UNKL: variants seen among roughly 807,000 people sequenced by gnomAD.
UNKL encodes unk like zinc finger.
In UNKL, 60 loss-of-function variants were observed where a neutral mutation model predicts 78.0. That is an observed-to-expected ratio of 0.77 (90% CI 0.63 to 0.95). UNKL has a LOEUF of 0.95. UNKL is among the 40% of genes least tolerant of loss of function. The pLI is 0.00. For missense variants in UNKL, 1,159 were observed against 1,045.7 expected, an observed-to-expected ratio of 1.11 and a Z score of -1.49; for synonymous variants, 608 against 474.8, an observed-to-expected ratio of 1.28 and a Z score of -3.65.
In UNKL at chr16:1,366,059, CAGGAAAGG is replaced by C; in HGVS notation, c.*173_*180del. The C allele has an allele frequency of 1.6e-6, 1 of 640,056 alleles. No individual in the cohort carries two copies. The highest frequency in any genetic ancestry group is 3.0e-5 in the South Asian group (1 of 33,058). 39.6% of individuals were successfully genotyped at this position (640,056 alleles called of 1,614,324 possible). On this transcript the variant is annotated 3_prime_UTR_variant, in exon 15 of 15. Transcript: ENST00000389221. ...GGACTAGATAGGTGACAACGTGTGA[CAGGAAAGG>C]CTGTCAGGCCAAGCGCAGGCGGGGC...
chr16:1,410,405 C>T (rs1465398171), intron 2 of UNKL, among the ~76,000 whole-genome samples: 1 of 152,096 alleles, frequency 6.6e-6, no homozygotes, highest in Non-Finnish European at 1.5e-5. Context: ...GTCAGGAGTT[C>T]GAGACCAGCC....
At chr16:1,374,770 G>T (rs1445059585) in intron 10 of UNKL, among the ~76,000 whole-genome samples, 1 of 152,222 alleles carries the variant, frequency 6.6e-6, no homozygotes, top group Non-Finnish European at 1.5e-5. Flanking sequence ...TCACCACACA[G>T]GGGGCATCCC....
intron 10 of UNKL, among the ~76,000 whole-genome samples, chr16:1,371,929 G>C (rs2035874648): frequency 6.6e-6 from 1 of 152,152 alleles, no homozygotes; most frequent in Non-Finnish European, 1.5e-5. Flanking sequence ...GTGTGTGTTA[G>C]CATCTGTCCA....
chr16:1,392,414 T>C (rs758909718), intron 8 of UNKL, among the ~76,000 whole-genome samples: 8 of 151,868 alleles, frequency 5.3e-5, no homozygotes, highest in Admixed American at 2.0e-4. Flanking sequence ...CTTACCTTCC[T>C]AGAAGCCCAA....
chr16:1,377,944 A>G (rs991136649), intron 10 of UNKL, among the ~76,000 whole-genome samples: 1 of 152,146 alleles, frequency 6.6e-6, no homozygotes, highest in Non-Finnish European at 1.5e-5. Context: ...CTACCAAGAA[A>G]AGCCTCATTG....
Position 1,367,275 on chromosome 16 carries a change from C to T in UNKL, c.1863G>A (p.Leu621=), listed in dbSNP as rs752159616. 1.5e-5 allele frequency: 24 copies of T among 1,573,546 alleles called. No individual in the cohort carries two copies. The East Asian group carries it at 5.2e-4, about 34-fold the overall frequency. The part of the protein sequence containing the change: ...RARVADSDRQ[L]ALQKKEEVEA... ...CCACCTCCTCCTTCTTCTGCAGCGC[C>T]AGCTGCCGGTCGCTATCGGCCACAC... The change falls in exon 14 of 15, where the codon CTG becomes CTA. Residue 621 remains leucine, a synonymous_variant. Coordinates refer to ENST00000389221, the MANE Select transcript of UNKL (RefSeq NM_001372107.1).
chr16:1,410,817 G>A lies in UNKL; in HGVS notation c.287+3029C>T, dbSNP rs534834349. 2.6e-5 allele frequency among the ~76,000 whole-genome samples: 4 copies of A among 152,302 alleles called. 1 individual carries two copies. In the South Asian group the frequency reaches 6.2e-4, roughly 24 times the overall value. On this transcript the variant is annotated intron_variant, in intron 2 of 14. Coordinates refer to ENST00000389221, the MANE Select transcript of UNKL (RefSeq NM_001372107.1). The stretch of plus-strand genomic sequence containing the variant: ...ACCTGCCTTTGAAAGCCCCATTTGC[G>A]GAAAACAGTGGCTTAAAAACCAATT...
Position 1,367,646 on chromosome 16 carries a change from A to G in UNKL, c.1788+10T>C. The G allele has an allele frequency of 7.4e-6, 9 of 1,219,660 alleles. No homozygotes were observed. The highest frequency in any genetic ancestry group is 9.6e-6 in the Non-Finnish European group (9 of 934,448). The allele number at this position is 1,219,660 out of a possible 1,614,324, so 75.6% of individuals were successfully genotyped here. On this transcript the variant is annotated intron_variant, in intron 13 of 14. Transcript: ENST00000389221. ...TCCCCCTCACCTGTCTGGCCCCCCCACACACTCACCTGCTTCACCTGCTGC... is the reference window on the plus strand; with the variant it reads ...TCCCCCTCACCTGTCTGGCCCCCCCGCACACTCACCTGCTTCACCTGCTGC...
rs2142189808 is a variant in UNKL at position 1,399,611 on chromosome 16, G to A, written c.599-102C>T. On this transcript the variant is annotated intron_variant, in intron 4 of 14. Transcript: ENST00000389221. The surrounding 1 kb of genome is among the most constrained non-coding windows in gnomAD (Gnocchi z 5.8). The stretch of plus-strand genomic sequence containing the variant: ...ACCTGGCTGTCCCCCAAATGGAAGG[G>A]GCTGCAGGAGGACTTGGGGAGCGCA... 1 of 1,506,858 alleles carries A rather than the reference G, an allele frequency of 6.6e-7. No homozygotes were observed. Among genetic ancestry groups the A allele is most frequent in the Non-Finnish European group, 8.9e-7 (1 of 1,124,054 alleles). The allele number at this position is 1,506,858 out of a possible 1,614,324, so 93.3% of individuals were successfully genotyped here.
chr16:1,371,455 C>T (rs754094692), intron 11 of UNKL, 64 bp downstream of exon 11: 41 of 1,493,176 alleles, frequency 2.7e-5, no homozygotes, highest in Admixed American at 1.2e-4. Context: ...AGCGATCCTC[C>T]GGCCACAGCA....
At chr16:1,409,367 G>GAGA (rs1393834411) in intron 2 of UNKL, among the ~76,000 whole-genome samples, 9 of 151,542 alleles carry the variant, frequency 5.9e-5, no homozygotes, top group Non-Finnish European at 1.3e-4. Context: ...GTTCAGCGAT[G>GAGA]AGAAAGTCCC....
At position 1,413,744 on chromosome 16, in the gene UNKL, C is replaced by T. The variant is rs1289074966; in HGVS notation, c.287+102G>A. The T allele has an allele frequency of 3.1e-6, 4 of 1,276,984 alleles. No homozygotes were observed. In the Admixed American group the frequency reaches 8.7e-5, roughly 28 times the overall value. The allele number at this position is 1,276,984 out of a possible 1,614,324, so 79.1% of individuals were successfully genotyped here. On this transcript the variant is annotated intron_variant, in intron 2 of 14. Coordinates refer to ENST00000389221, the MANE Select transcript of UNKL (RefSeq NM_001372107.1). Reference sequence around the variant, plus strand: ...TAATTACGACTCCCTCTGCAGGGGCCAGGTATGGACACTAAGGCGTCCGCT... The same window carrying T: ...TAATTACGACTCCCTCTGCAGGGGCTAGGTATGGACACTAAGGCGTCCGCT...
At chr16:1,404,665 A>G (rs896690370) in intron 2 of UNKL, among the ~76,000 whole-genome samples, 2 of 152,216 alleles carry the variant, frequency 1.3e-5, no homozygotes, top group African/African-American at 4.8e-5. Flanking sequence ...CTGCACACCC[A>G]TGTTCACAGC....
rs1320524168 is a variant in UNKL at position 1,399,913 on chromosome 16, G to C, written c.599-404C>G. Among the ~76,000 whole-genome samples the C allele has an allele frequency of 3.3e-5, 5 of 151,090 alleles. No homozygotes were observed. The highest frequency in any genetic ancestry group is 7.4e-5 in the Non-Finnish European group (5 of 67,880). ...TAAAATCCAGAGACATGCACACCCCGAAATGCCGCATGGTGAGCCTCATGC... is the reference window on the plus strand; with the variant it reads ...TAAAATCCAGAGACATGCACACCCCCAAATGCCGCATGGTGAGCCTCATGC... On this transcript the variant is annotated intron_variant, in intron 4 of 14. Coordinates refer to ENST00000389221, the MANE Select transcript of UNKL (RefSeq NM_001372107.1). The surrounding 1 kb of genome is among the most constrained non-coding windows in gnomAD (Gnocchi z 5.8).
At chr16:1,383,754 G>A (rs571051472) in intron 10 of UNKL, 6 of 423,586 alleles carry the variant, frequency 1.4e-5, no homozygotes, top group Admixed American at 4.9e-5. Context: ...CCACATTGAC[G>A]CGGGTCCTGA....
rs902454303 is a variant in UNKL, at chr16:1,403,488, G to A, written c.288-144C>T. On this transcript the variant is annotated intron_variant, in intron 2 of 14. Coordinates refer to ENST00000389221, the MANE Select transcript of UNKL (RefSeq NM_001372107.1). This position sits in a 1 kb window ranked among gnomAD's most constrained non-coding sequence, Gnocchi z 4.8. The stretch of plus-strand genomic sequence containing the variant: ...GATTCCTGTTCTAATCAGAAGGACG[G>A]ACACACTGGACGCAGCACCTGTCCC... 2.9e-6 allele frequency: 3 copies of A among 1,051,666 alleles called. No individual in the cohort carries two copies. In the African/African-American group the frequency reaches 4.8e-5, roughly 17 times the overall value. 65.1% of individuals were successfully genotyped at this position (1,051,666 alleles called of 1,614,324 possible).
At chr16:1,370,092 T>C in intron 12 of UNKL, 38 bp downstream of exon 12, 1 of 1,543,950 alleles carries the variant, frequency 6.5e-7, no homozygotes, top group Non-Finnish European at 8.8e-7. Flanking sequence ...CCACGGAGGC[T>C]TCACGGCAAC....
intron 9 of UNKL, among the ~76,000 whole-genome samples, 152 bp downstream of exon 9, chr16:1,390,480 T>C (rs1277559913): frequency 6.6e-6 from 1 of 152,052 alleles, no homozygotes; most frequent in Non-Finnish European, 1.5e-5. Context: ...CAAGCGGACG[T>C]CAACCAGATG....
intron 9 of UNKL, among the ~76,000 whole-genome samples, chr16:1,388,804 C>T (rs1391440659): frequency 1.3e-5 from 2 of 152,138 alleles, no homozygotes; most frequent in African/African-American, 2.4e-5. Flanking sequence ...GAGGACACCG[C>T]ACCTCCGCTA....
Sources: allele counts gnomAD v4.1 joint callset (sites outside exome capture counted in the v4.1 genomes callset), GRCh38; gene constraint gnomAD v4.1.1; non-coding constraint Gnocchi (gnomAD v3.1); transcripts MANE v1.5; gene names NCBI Gene and HGNC (gene_info 2026-07-23, HGNC 2026-07-21).